The following GFOD1 variants were observed in gnomAD, a reference collection of about 807,000 sequenced individuals.
GFOD1 encodes glucose-fructose oxidoreductase domain-containing protein 1.
Under a neutral mutation model 25.4 loss-of-function variants are expected in GFOD1, and 9 were observed. That is an observed-to-expected ratio of 0.35 (90% CI 0.21 to 0.62). The LOEUF (loss-of-function observed/expected upper bound fraction) is 0.62, where lower values mean the gene tolerates loss of function less well. Among genes scored for constraint, GFOD1 ranks in the 20% least tolerant of loss-of-function variants. The pLI, the probability that GFOD1 is intolerant of heterozygous loss-of-function variation, is 0.72. For missense variants in GFOD1, 403 were observed against 556.9 expected, an observed-to-expected ratio of 0.72 and a Z score of 2.78; for synonymous variants, 253 against 245.6, an observed-to-expected ratio of 1.03 and a Z score of -0.28.
chr6:13,379,453 G>A (rs779303118), intron 1 of GFOD1, among the ~76,000 whole-genome samples: 1 of 152,036 alleles, frequency 6.6e-6, no homozygotes, highest in Non-Finnish European at 1.5e-5. Flanking sequence ...TGTGCTGGCA[G>A]TGGGGGTAGC....
chr6:13,419,279 C>G (rs758020820), intron 1 of GFOD1, among the ~76,000 whole-genome samples: 1 of 152,208 alleles, frequency 6.6e-6, no homozygotes, highest in Non-Finnish European at 1.5e-5. Flanking sequence ...AGGGAACAGA[C>G]TATTTTTAAA....
Position 13,487,353 on chromosome 6 carries a change from C to T in GFOD1, c.-463G>A. On this transcript the variant is annotated 5_prime_UTR_variant, in exon 1 of 2. Transcript: ENST00000379287. This position sits in a 1 kb window ranked among gnomAD's most constrained non-coding sequence, Gnocchi z 4.9. ...GGCGAATCGCACAGACAAACGTCTA[C>T]ACCCTGCCAGAGCACGGAACCGCTC... 1 of 158,768 alleles carries T rather than the reference C, an allele frequency of 6.3e-6. No homozygotes were observed. Among genetic ancestry groups the T allele is most frequent in the Non-Finnish European group, 1.4e-5 (1 of 72,786 alleles). 9.8% of individuals were successfully genotyped at this position (158,768 alleles called of 1,614,324 possible).
intron 1 of GFOD1, among the ~76,000 whole-genome samples, chr6:13,478,887 A>G (rs55740943): frequency 0.027 from 4,065 of 152,222 alleles, 59 homozygotes; most frequent in Non-Finnish European, 0.041. Context: ...TTCCTGCGTC[A>G]TGTGGGAAAC....
At chr6:13,469,130 G>T in intron 1 of GFOD1, 1 of 433,874 alleles carries the variant, frequency 2.3e-6, no homozygotes, top group Non-Finnish European at 3.1e-6. Flanking sequence ...AGAGGGAGTT[G>T]GCCTGTGTCT....
At chr6:13,384,295 AT>A (rs1785423505) in intron 1 of GFOD1, among the ~76,000 whole-genome samples, 1 of 152,216 alleles carries the variant, frequency 6.6e-6, no homozygotes, top group African/African-American at 2.4e-5. Context: ...TTTATGAGTT[AT>A]TTTTTAAAGC....
rs922481708 is a variant in GFOD1, at chr6:13,486,887, G to A, written c.4C>T (p.Leu2Phe). 13 of 1,609,258 alleles carry A rather than the reference G, an allele frequency of 8.1e-6. No homozygotes were observed. The highest frequency in any genetic ancestry group is 1.3e-5 in the African/African-American group (1 of 74,940). The stretch of plus-strand genomic sequence containing the variant: ...GTGCCGAACACGCCCACCCCGGGAA[G>A]CATGGCTGCTCAGAGCCGCCTGGTT... MLPGVGVFGTSL... is the reference protein window; with the variant it reads MFPGVGVFGTSL... The change falls in exon 1 of 2, where the codon CTT becomes TTT. Residue 2 changes from leucine to phenylalanine, a missense_variant. Coordinates refer to ENST00000379287, the MANE Select transcript of GFOD1 (RefSeq NM_018988.4).
intron 1 of GFOD1, among the ~76,000 whole-genome samples, chr6:13,388,186 G>A (rs1785513808): frequency 6.6e-6 from 1 of 152,198 alleles, no homozygotes; most frequent in Non-Finnish European, 1.5e-5. Context: ...TGGCCATACT[G>A]CCCAAGGTAA....
chr6:13,424,691 A>G (rs2127568954), intron 1 of GFOD1, among the ~76,000 whole-genome samples: 1 of 152,266 alleles, frequency 6.6e-6, no homozygotes, highest in Admixed American at 6.5e-5. Flanking sequence ...AAATATTAAT[A>G]GTGGTTATTC....
rs1784895316 is a variant in GFOD1 at position 13,358,070 on chromosome 6, G to A, written c.*6673C>T. On this transcript the variant is annotated 3_prime_UTR_variant, in exon 2 of 2. Transcript: ENST00000379287. ...GGAGGGCCGCCTCCCAGCTTCCACA[G>A]TAGTTTGGCCTTAAAAACACTAAGA... is the stretch of plus-strand genomic sequence containing the variant. 6.6e-6 allele frequency: 1 copy of A among 152,160 alleles called. No homozygotes were observed. Among genetic ancestry groups the A allele is most frequent in the African/African-American group, 2.4e-5 (1 of 41,444 alleles). The allele number at this position is 152,160 out of a possible 1,614,324, so 9.4% of individuals were successfully genotyped here.
chr6:13,434,117 G>A (rs1757793701), intron 1 of GFOD1, among the ~76,000 whole-genome samples: 1 of 152,248 alleles, frequency 6.6e-6, no homozygotes, highest in South Asian at 2.1e-4. Flanking sequence ...GGCATTATGG[G>A]AACACAGAAG....
intron 1 of GFOD1, among the ~76,000 whole-genome samples, chr6:13,387,438 C>A (rs1244042270): frequency 1.3e-5 from 2 of 152,192 alleles, no homozygotes; most frequent in Non-Finnish European, 2.9e-5. Flanking sequence ...TCAGCTTCAT[C>A]CCTCGGATGC....
chr6:13,421,566 T>C (rs1159593862), intron 1 of GFOD1, among the ~76,000 whole-genome samples: 1 of 151,916 alleles, frequency 6.6e-6, no homozygotes, highest in Non-Finnish European at 1.5e-5. Context: ...AAAAAAACCA[T>C]CAATATTTCC....
chr6:13,408,094 C>A lies in GFOD1; in HGVS notation c.254-42432G>T, dbSNP rs536206426. 285 of 985,380 alleles carry A rather than the reference C, an allele frequency of 2.9e-4. No individual in the cohort carries two copies. In the Middle Eastern group the frequency reaches 3.1e-3, roughly 11 times the overall value. 61.0% of individuals were successfully genotyped at this position (985,380 alleles called of 1,614,324 possible). A position where few individuals can be genotyped will look rare whatever the true frequency, so the allele number is the denominator to read the frequency against. ...CTGCAGAAGAACGTGGCTGAGAGCC[C>A]GGCCACGGTAGCATCTATCCTCCAC... On this transcript the variant is annotated intron_variant, in intron 1 of 1. Transcript: ENST00000379287.
At chr6:13,376,617 A>G (rs1009032482) in intron 1 of GFOD1, among the ~76,000 whole-genome samples, 14 of 152,216 alleles carry the variant, frequency 9.2e-5, no homozygotes, top group African/African-American at 3.4e-4. Context: ...AACACAAATG[A>G]TTGGGTTGGG....
At chr6:13,463,129 G>A (rs1384972272) in intron 1 of GFOD1, among the ~76,000 whole-genome samples, 3 of 152,190 alleles carry the variant, frequency 2.0e-5, no homozygotes, top group Non-Finnish European at 2.9e-5. Context: ...CTGTGACACC[G>A]CCCAGGGTAC....
chr6:13,400,226 T>G (rs566651279), intron 1 of GFOD1, among the ~76,000 whole-genome samples: 2 of 152,022 alleles, frequency 1.3e-5, no homozygotes, highest in African/African-American at 4.8e-5. Context: ...ACATTGGGGG[T>G]GGGATAAATG....
intron 1 of GFOD1, 36 bp downstream of exon 1, chr6:13,486,602 G>C: frequency 4.4e-6 from 7 of 1,581,514 alleles, no homozygotes; most frequent in Non-Finnish European, 6.1e-6. Context: ...TAAAGGGCGG[G>C]GGTGGGACGG....
intron 1 of GFOD1, among the ~76,000 whole-genome samples, chr6:13,404,146 T>C (rs1255679636): frequency 6.6e-6 from 1 of 152,258 alleles, no homozygotes; most frequent in Non-Finnish European, 1.5e-5. Context: ...TTGACTATCA[T>C]TTTAATGCAC....
chr6:13,424,100 CA>C (rs377247485), intron 1 of GFOD1, among the ~76,000 whole-genome samples: 59 of 152,268 alleles, frequency 3.9e-4, no homozygotes, highest in East Asian at 3.5e-3. Flanking sequence ...TCAGGTGATC[CA>C]CCCGCCTCAG....
Sources: gnomAD v4.1 joint callset for allele counts (sites outside exome capture counted in the v4.1 genomes callset) on GRCh38, gnomAD v4.1.1 for gene constraint, Gnocchi (gnomAD v3.1) non-coding constraint, MANE v1.5 for transcripts, NCBI Gene and HGNC (gene_info 2026-07-23, HGNC 2026-07-21) for gene names.